Variants in PTPRN2 observed in about 807,000 individuals in gnomAD.
The protein encoded by PTPRN2 is receptor-type tyrosine-protein phosphatase N2.
A neutral mutation model predicts 118.8 loss-of-function variants in PTPRN2; 74 were observed. The observed-to-expected ratio is 0.62, with a 90% confidence interval of 0.52 to 0.76. The LOEUF (loss-of-function observed/expected upper bound fraction) is 0.76. Among genes scored for constraint, PTPRN2 ranks in the 30% least tolerant of loss-of-function variants. The pLI is 0.00. For synonymous variants in PTPRN2, 641 were observed against 608.0 expected, an observed-to-expected ratio of 1.05 and a Z score of -0.80; for missense variants, 1,481 against 1,394.4, an observed-to-expected ratio of 1.06 and a Z score of -0.99.
intron 1 of PTPRN2, among the ~76,000 whole-genome samples, chr7:158,521,075 C>A (rs142933669): frequency 6.6e-6 from 1 of 152,262 alleles, no homozygotes; most frequent in African/African-American, 2.4e-5. Context: ...CTGTGCGAGG[C>A]GCTCAGTCCT....
chr7:158,257,446 T>C (rs1253722650), intron 3 of PTPRN2, among the ~76,000 whole-genome samples: 2 of 152,206 alleles, frequency 1.3e-5, no homozygotes, highest in African/African-American at 2.4e-5. Flanking sequence ...AACGTCTTTT[T>C]CTTGTTACTC....
chr7:157,569,060 C>CG lies in PTPRN2; in HGVS notation c.2838-95dup, dbSNP rs112570350. ...TGACAGTTCATTTCCTTCCTGCTTA[C>CG]GGGGGCCGGCGAGAGGAAAGGATGG... On this transcript the variant is annotated intron_variant, in intron 20 of 22. Coordinates refer to ENST00000389418, the MANE Select transcript of PTPRN2 (RefSeq NM_002847.5). 2.5e-3 allele frequency: 3,058 copies of CG among 1,202,080 alleles called. 46 individuals are homozygous for CG. In the African/African-American group the frequency reaches 0.039, roughly 15 times the overall value. The allele number at this position is 1,202,080 out of a possible 1,614,324, so 74.5% of individuals were successfully genotyped here.
At chr7:157,777,273 G>A (rs181918497) in intron 12 of PTPRN2, among the ~76,000 whole-genome samples, 3 of 152,170 alleles carry the variant, frequency 2.0e-5, no homozygotes, top group Non-Finnish European at 4.4e-5. Context: ...TTGGAAACAC[G>A]CCCATGTCGG....
intron 3 of PTPRN2, among the ~76,000 whole-genome samples, chr7:158,206,965 C>G: frequency 8.7e-6 from 1 of 115,054 alleles, no homozygotes. Context: ...CCCCTCCCCC[C>G]ACCCCACAAC....
intron 6 of PTPRN2, among the ~76,000 whole-genome samples, chr7:158,146,083 T>A (rs1585609729): frequency 6.6e-6 from 1 of 152,224 alleles, no homozygotes; most frequent in Non-Finnish European, 1.5e-5. Context: ...CCATCCATTC[T>A]GAAAACAAAT....
chr7:157,808,347 G>A lies in PTPRN2; in HGVS notation c.1788+90326C>T, dbSNP rs1407384550. 6.6e-6 allele frequency among the ~76,000 whole-genome samples: 1 copy of A among 152,108 alleles called. No homozygotes were observed. Among genetic ancestry groups the A allele is most frequent in the Non-Finnish European group, 1.5e-5 (1 of 68,010 alleles). On this transcript the variant is annotated intron_variant, in intron 12 of 22. Transcript: ENST00000389418. The surrounding 1 kb of genome is among the most constrained non-coding windows in gnomAD (Gnocchi z 5.0). Reference sequence around the variant, plus strand: ...GCAGGTAAGCGGGTGAGTGGCGGGTGAGTGAGCGAGTGAAACTTTGTCGGT... The same window carrying A: ...GCAGGTAAGCGGGTGAGTGGCGGGTAAGTGAGCGAGTGAAACTTTGTCGGT...
intron 3 of PTPRN2, among the ~76,000 whole-genome samples, chr7:158,266,512 A>C (rs1797893872): frequency 1.3e-5 from 2 of 151,958 alleles, no homozygotes; most frequent in Admixed American, 1.3e-4. Context: ...TCTGGCAGTG[A>C]GGCTGGGGAC....
intron 12 of PTPRN2, among the ~76,000 whole-genome samples, chr7:157,856,860 G>T (rs553827185): frequency 1.8e-4 from 28 of 152,224 alleles, no homozygotes; most frequent in African/African-American, 6.0e-4. Flanking sequence ...GTATTGCTTA[G>T]CAATGAGTGT....
At chr7:157,661,003 C>T (rs1795856214) in intron 13 of PTPRN2, among the ~76,000 whole-genome samples, 1 of 152,244 alleles carries the variant, frequency 6.6e-6, no homozygotes, top group Non-Finnish European at 1.5e-5. Flanking sequence ...ATCCACCCGC[C>T]TTGGCCTCGC....
intron 2 of PTPRN2, among the ~76,000 whole-genome samples, chr7:158,389,659 C>T (rs761089473): frequency 5.9e-5 from 9 of 152,260 alleles, no homozygotes; most frequent in Non-Finnish European, 1.0e-4. Flanking sequence ...CAATTCTAGA[C>T]TCAGCCACCA....
intron 14 of PTPRN2, among the ~76,000 whole-genome samples, chr7:157,630,585 G>A (rs934101996): frequency 3.9e-5 from 6 of 152,108 alleles, no homozygotes; most frequent in African/African-American, 9.7e-5. Context: ...GCATTGTTCC[G>A]GCTCTCCAAA....
At chr7:158,450,295 C>A (rs941197065) in intron 2 of PTPRN2, among the ~76,000 whole-genome samples, 3 of 152,246 alleles carry the variant, frequency 2.0e-5, no homozygotes, top group Non-Finnish European at 4.4e-5. Context: ...CTTCTACACA[C>A]TGAGTTCAAT....
chr7:158,505,609 C>G (rs1421185489), intron 1 of PTPRN2, among the ~76,000 whole-genome samples: 1 of 152,004 alleles, frequency 6.6e-6, no homozygotes, highest in Non-Finnish European at 1.5e-5. Flanking sequence ...GTATTTCTGC[C>G]TCTGCCTTTT....
intron 15 of PTPRN2, among the ~76,000 whole-genome samples, chr7:157,606,233 T>G (rs1801993832): frequency 6.6e-6 from 1 of 152,202 alleles, no homozygotes; most frequent in African/African-American, 2.4e-5. Flanking sequence ...AGAATCCAGG[T>G]AGCAGGAACA....
chr7:158,412,871 C>T (rs1375694595), intron 2 of PTPRN2, among the ~76,000 whole-genome samples: 2 of 133,532 alleles, frequency 1.5e-5, no homozygotes, highest in Admixed American at 1.5e-4. Flanking sequence ...GGGCCCATCT[C>T]AGCACCCTCC....
At chr7:158,572,710 G>C (rs182898476) in intron 1 of PTPRN2, among the ~76,000 whole-genome samples, 44 of 152,210 alleles carry the variant, frequency 2.9e-4, no homozygotes, top group Non-Finnish European at 3.8e-4. Flanking sequence ...TCTGTTTTTG[G>C]TGCCAGGGTC....
chr7:158,548,725 A>T (rs1292210988), intron 1 of PTPRN2, among the ~76,000 whole-genome samples: 2 of 151,854 alleles, frequency 1.3e-5, no homozygotes, highest in Non-Finnish European at 2.9e-5. Flanking sequence ...GTGACTTCAC[A>T]CTCCCCCAGC....
At chr7:158,144,776 C>T (rs891767675) in intron 6 of PTPRN2, among the ~76,000 whole-genome samples, 4 of 152,190 alleles carry the variant, frequency 2.6e-5, no homozygotes, top group Admixed American at 1.3e-4. Context: ...CAGCAAACAC[C>T]GTCACTGTCA....
chr7:157,941,211 A>G (rs71544515), intron 11 of PTPRN2, among the ~76,000 whole-genome samples: 19,781 of 28,156 alleles, frequency 0.7, 8,229 homozygotes, highest in Non-Finnish European at 0.76. Flanking sequence ...ACTCTCCCCC[A>G]TGACACTGCA....
Sources: gnomAD v4.1 joint callset for allele counts (sites outside exome capture counted in the v4.1 genomes callset) on GRCh38, gnomAD v4.1.1 for gene constraint, Gnocchi (gnomAD v3.1) non-coding constraint, MANE v1.5 for transcripts, NCBI Gene and HGNC (gene_info 2026-07-23, HGNC 2026-07-21) for gene names.